SPOCK1: variants seen among roughly 807,000 people sequenced by gnomAD.
The protein encoded by SPOCK1 is testican-1.
Under a neutral mutation model 55.3 loss-of-function variants are expected in SPOCK1, and 23 were observed. The observed-to-expected ratio is 0.42, with a 90% CI of 0.30 to 0.59. The LOEUF is 0.59. SPOCK1 is among the 20% of genes least tolerant of loss of function. SPOCK1 has a pLI of 0.22. For missense variants in SPOCK1, 499 were observed against 552.5 expected, an observed-to-expected ratio of 0.90 and a Z score of 0.97; for synonymous variants, 226 against 221.0, an observed-to-expected ratio of 1.02 and a Z score of -0.20.
At chr5:137,257,433 C>T (rs1387356580) in intron 3 of SPOCK1, among the ~76,000 whole-genome samples, 6 of 152,078 alleles carry the variant, frequency 3.9e-5, no homozygotes, top group Admixed American at 3.9e-4. Context: ...AGAGAGTTCT[C>T]GAGCTCTCTT....
intron 2 of SPOCK1, among the ~76,000 whole-genome samples, chr5:137,376,673 A>C (rs1751325325): frequency 6.6e-6 from 1 of 152,158 alleles, no homozygotes; most frequent in Non-Finnish European, 1.5e-5. Context: ...TTATGGGAAA[A>C]GTAACTCCTG....
chr5:137,185,950 CT>C (rs2127067168), intron 3 of SPOCK1, among the ~76,000 whole-genome samples: 1 of 152,350 alleles, frequency 6.6e-6, no homozygotes, highest in Non-Finnish European at 1.5e-5. Context: ...GAAACGAAGT[CT>C]TCTAAAGGGG....
intron 3 of SPOCK1, among the ~76,000 whole-genome samples, chr5:137,232,248 G>C (rs1273449262): frequency 1.3e-5 from 2 of 152,224 alleles, no homozygotes; most frequent in Non-Finnish European, 2.9e-5. Context: ...TTGGTGTCAA[G>C]TCTGAATTCT....
chr5:137,427,477 G>A (rs1346123679), intron 2 of SPOCK1, among the ~76,000 whole-genome samples: 1 of 152,178 alleles, frequency 6.6e-6, no homozygotes, highest in Admixed American at 6.5e-5. Flanking sequence ...GCTCTATGTG[G>A]TCTCCCTTGT....
At chr5:137,128,826 T>A (rs1454591390) in intron 4 of SPOCK1, among the ~76,000 whole-genome samples, 2 of 152,218 alleles carry the variant, frequency 1.3e-5, no homozygotes, top group Non-Finnish European at 2.9e-5. Flanking sequence ...GCTTTCTTCC[T>A]TCTTAGAGCT....
chr5:137,122,237 T>C (rs928454846), intron 4 of SPOCK1, among the ~76,000 whole-genome samples: 15 of 109,526 alleles, frequency 1.4e-4, no homozygotes, highest in Admixed American at 1.3e-3. Context: ...GCAAAAGCAG[T>C]TATACACACA....
At chr5:137,491,195 C>T (rs1194003593) in intron 2 of SPOCK1, among the ~76,000 whole-genome samples, 1 of 152,180 alleles carries the variant, frequency 6.6e-6, no homozygotes, top group East Asian at 1.9e-4. Context: ...TTTGGCAAGA[C>T]TGGAACGTGA....
chr5:137,160,623 T>G (rs868496145), intron 3 of SPOCK1, among the ~76,000 whole-genome samples: 1 of 79,438 alleles, frequency 1.3e-5, no homozygotes, highest in Non-Finnish European at 2.2e-5. Flanking sequence ...TAATATATAT[T>G]TTATATAATA....
chr5:137,131,735 G>A (rs1182960427), intron 4 of SPOCK1, among the ~76,000 whole-genome samples: 1 of 151,402 alleles, frequency 6.6e-6, no homozygotes, highest in Admixed American at 6.6e-5. Flanking sequence ...TACTTTGGGA[G>A]GCCAAGATGG....
chr5:137,348,337 C>T (rs1421103455), intron 2 of SPOCK1, among the ~76,000 whole-genome samples: 1 of 151,994 alleles, frequency 6.6e-6, no homozygotes, highest in Non-Finnish European at 1.5e-5. Flanking sequence ...AATATTTATC[C>T]ATTTATAAAG....
At chr5:137,484,714 A>G (rs1754017106) in intron 2 of SPOCK1, among the ~76,000 whole-genome samples, 1 of 152,240 alleles carries the variant, frequency 6.6e-6, no homozygotes, top group African/African-American at 2.4e-5. Flanking sequence ...ATCATTGTAA[A>G]TGTAGAAAGA....
At position 137,090,892 on chromosome 5, in the gene SPOCK1, C is replaced by G. The variant is rs144060493; in HGVS notation, c.474+21543G>C. On this transcript the variant is annotated intron_variant, in intron 5 of 10. Coordinates refer to ENST00000394945, the MANE Select transcript of SPOCK1 (RefSeq NM_004598.4). ...TGTTTTCTCTTTCTTTCAGTATTCT[C>G]TGGCTCAGTTTCAAATTCCAGTCTA... 5.1e-4 allele frequency among the ~76,000 whole-genome samples: 78 copies of G among 152,256 alleles called. No homozygotes were observed. The East Asian group carries it at 0.014, about 28-fold the overall frequency.
chr5:137,128,428 C>G (rs1753816963), intron 4 of SPOCK1, among the ~76,000 whole-genome samples: 1 of 152,238 alleles, frequency 6.6e-6, no homozygotes, highest in East Asian at 1.9e-4. Flanking sequence ...ATTGTTCCCC[C>G]ATCTGATTGT....
At chr5:137,244,292 A>G (rs1345368448) in intron 3 of SPOCK1, among the ~76,000 whole-genome samples, 1 of 152,228 alleles carries the variant, frequency 6.6e-6, no homozygotes, top group East Asian at 1.9e-4. Flanking sequence ...ACGTGTAGAA[A>G]ATTCAGATTT....
intron 6 of SPOCK1, among the ~76,000 whole-genome samples, chr5:137,058,842 C>T (rs1452736497): frequency 1.3e-5 from 2 of 152,096 alleles, no homozygotes; most frequent in Non-Finnish European, 2.9e-5. Flanking sequence ...GTGAGAAGGG[C>T]ACATTTGAGG....
intron 3 of SPOCK1, among the ~76,000 whole-genome samples, chr5:137,224,006 C>T (rs1755904237): frequency 6.6e-6 from 1 of 152,178 alleles, no homozygotes; most frequent in South Asian, 2.1e-4. Context: ...TTTCCCCTAA[C>T]TAATGATGCC....
intron 3 of SPOCK1, among the ~76,000 whole-genome samples, chr5:137,203,278 C>T (rs993031228): frequency 2.0e-5 from 3 of 151,772 alleles, no homozygotes; most frequent in African/African-American, 2.4e-5. Context: ...TGTGTCCCAG[C>T]GCCCAGGTGA....
intron 2 of SPOCK1, among the ~76,000 whole-genome samples, chr5:137,365,930 G>A (rs115334121): frequency 4.6e-4 from 70 of 152,204 alleles, no homozygotes; most frequent in East Asian, 2.9e-3. Flanking sequence ...TACACACAAC[G>A]ACGCACAAAA....
intron 4 of SPOCK1, among the ~76,000 whole-genome samples, chr5:137,133,406 C>G (rs1325336813): frequency 1.3e-5 from 2 of 151,864 alleles, no homozygotes; most frequent in East Asian, 3.9e-4. Context: ...TAAAGGGGGA[C>G]CCCCAGCCTA....
Sources: gnomAD v4.1 joint callset for allele counts (sites outside exome capture counted in the v4.1 genomes callset) on GRCh38, gnomAD v4.1.1 for gene constraint, MANE v1.5 for transcripts, NCBI Gene and HGNC (gene_info 2026-07-23, HGNC 2026-07-21) for gene names.